The following TNNI3K variants were observed in gnomAD, a reference collection of about 807,000 sequenced individuals.
TNNI3K encodes the protein serine/threonine-protein kinase TNNI3K.
Under a neutral mutation model 114.5 loss-of-function variants are expected in TNNI3K, and 140 were observed. The observed-to-expected ratio is 1.22, with a 90% CI of 1.07 to 1.41. The LOEUF is 1.41. Ranked by LOEUF, TNNI3K falls within the 40% of genes most tolerant of loss-of-function variation. The pLI, the probability that TNNI3K is intolerant of heterozygous loss-of-function variation, is 0.00. For synonymous variants in TNNI3K, 347 were observed against 347.5 expected, an observed-to-expected ratio of 1.00 and a Z score of 0.02; for missense variants, 1,125 against 1,007.6, an observed-to-expected ratio of 1.12 and a Z score of -1.58.
intron 19 of TNNI3K, 28 bp from the exon 20 acceptor site, chr1:74,439,462 T>G (rs199605210): frequency 6.2e-7 from 1 of 1,602,004 alleles, no homozygotes; most frequent in South Asian, 1.1e-5. Flanking sequence ...ACTTGGTAAA[T>G]GGCTTGTGGA....
chr1:74,470,215 A>G (rs1667855401), intron 21 of TNNI3K: 4 of 400,550 alleles, frequency 1.0e-5, no homozygotes, highest in Non-Finnish European at 1.8e-5. Context: ...TTTAGCTGTA[A>G]TGGTCTCCTC....
At chr1:74,455,927 GT>G (rs1196730548) in intron 20 of TNNI3K, among the ~76,000 whole-genome samples, 3 of 152,174 alleles carry the variant, frequency 2.0e-5, no homozygotes, top group Admixed American at 6.5e-5. Context: ...AGCTATCTGG[GT>G]ATCCCTTAGC....
intron 17 of TNNI3K, among the ~76,000 whole-genome samples, chr1:74,414,186 C>T (rs1665014861): frequency 6.6e-6 from 1 of 152,062 alleles, no homozygotes; most frequent in African/African-American, 2.4e-5. Flanking sequence ...ATATTCTGTC[C>T]ATATATAACA....
intron 21 of TNNI3K, chr1:74,469,206 A>G (rs1001712669): frequency 3.3e-5 from 5 of 152,622 alleles, no homozygotes; most frequent in Non-Finnish European, 4.4e-5. Context: ...CCTAGTGGAT[A>G]TATAGGATTT....
intron 4 of TNNI3K, among the ~76,000 whole-genome samples, chr1:74,270,707 T>C (rs1221989988): frequency 6.6e-6 from 1 of 151,838 alleles, no homozygotes; most frequent in Admixed American, 6.6e-5. Context: ...GCCTATCTTA[T>C]GACTTGACTT....
chr1:74,454,441 G>A (rs1159934333), intron 20 of TNNI3K, among the ~76,000 whole-genome samples: 2 of 151,858 alleles, frequency 1.3e-5, no homozygotes, highest in Non-Finnish European at 1.5e-5. Flanking sequence ...TTTTATTTAA[G>A]CTCCCACATA....
At chr1:74,282,291 A>G (rs1007990697) in intron 5 of TNNI3K, among the ~76,000 whole-genome samples, 2 of 152,092 alleles carry the variant, frequency 1.3e-5, no homozygotes, top group Admixed American at 1.3e-4. Flanking sequence ...TTCATGTACA[A>G]CTATACATTT....
chr1:74,353,248 T>C lies in TNNI3K; in HGVS notation c.933-18T>C. 1.9e-6 allele frequency: 3 copies of C among 1,605,036 alleles called. No homozygotes were observed. Among genetic ancestry groups the C allele is most frequent in the Non-Finnish European group, 1.7e-6 (2 of 1,177,580 alleles). On this transcript the variant is annotated intron_variant, in intron 9 of 24. Transcript: ENST00000326637. ...CAAGGACCTTCTATCTTTCTTGTTT[T>C]ATGGTTTTTTTTTTCAGTGCTTGTA...
intron 17 of TNNI3K, among the ~76,000 whole-genome samples, chr1:74,411,383 T>A (rs1664871341): frequency 6.6e-6 from 1 of 152,162 alleles, no homozygotes; most frequent in South Asian, 2.1e-4. Context: ...AACTTGTTGG[T>A]TCTTGTAAGT....
At chr1:74,306,060 T>C (rs1658616296) in intron 5 of TNNI3K, among the ~76,000 whole-genome samples, 1 of 152,186 alleles carries the variant, frequency 6.6e-6, no homozygotes, top group Non-Finnish European at 1.5e-5. Context: ...CATCTTTATA[T>C]CTGTGTGTCA....
chr1:74,246,754 G>T (rs1182142696), intron 2 of TNNI3K, among the ~76,000 whole-genome samples: 1 of 152,128 alleles, frequency 6.6e-6, no homozygotes, highest in Non-Finnish European at 1.5e-5. Flanking sequence ...CTCTTCTGTA[G>T]CAATAAACAC....
intron 17 of TNNI3K, 99 bp downstream of exon 17, chr1:74,370,491 G>GAATCCTA: frequency 2.0e-6 from 2 of 996,580 alleles, no homozygotes; most frequent in Non-Finnish European, 2.8e-6. Flanking sequence ...TGCAGATCAG[G>GAATCCTA]GTACTCTGTG....
At chr1:74,307,300 C>G (rs964613338) in intron 5 of TNNI3K, among the ~76,000 whole-genome samples, 7 of 151,880 alleles carry the variant, frequency 4.6e-5, no homozygotes, top group African/African-American at 1.5e-4. Flanking sequence ...AACATAAAGG[C>G]CTAATTGCTT....
intron 17 of TNNI3K, among the ~76,000 whole-genome samples, chr1:74,434,667 A>T (rs968063141): frequency 1.3e-5 from 2 of 151,922 alleles, no homozygotes; most frequent in Non-Finnish European, 1.5e-5. Flanking sequence ...TCTGATTCTC[A>T]TCATGTGTAT....
chr1:74,418,616 T>C (rs1001916416), intron 17 of TNNI3K, among the ~76,000 whole-genome samples: 2 of 152,062 alleles, frequency 1.3e-5, no homozygotes, highest in African/African-American at 4.8e-5. Flanking sequence ...TGGGTAAAAA[T>C]TTACGGAAAA....
chr1:74,429,343 G>C (rs1211451170), intron 17 of TNNI3K, among the ~76,000 whole-genome samples: 1 of 152,122 alleles, frequency 6.6e-6, no homozygotes, highest in Non-Finnish European at 1.5e-5. Flanking sequence ...AACTGATCTA[G>C]ATGACTTGGA....
intron 23 of TNNI3K, 68 bp from the exon 24 acceptor site, chr1:74,540,166 T>A (rs892827268): frequency 6.5e-7 from 1 of 1,549,790 alleles, no homozygotes; most frequent in Non-Finnish European, 8.8e-7. Context: ...AGTGGAAAAA[T>A]TCTGTGTTTA....
chr1:74,299,413 T>G (rs1021470188), intron 5 of TNNI3K, among the ~76,000 whole-genome samples: 11 of 5,132 alleles, frequency 2.1e-3, no homozygotes, highest in Non-Finnish European at 7.6e-3. Flanking sequence ...GATTAGAATC[T>G]TGAAAGACTT....
At chr1:74,416,527 A>G in intron 17 of TNNI3K, 1 of 985,308 alleles carries the variant, frequency 1.0e-6, no homozygotes, top group East Asian at 1.1e-4. Flanking sequence ...TGGCTTACAT[A>G]GTCAAATCCA....
Sources: allele counts gnomAD v4.1 joint callset (sites outside exome capture counted in the v4.1 genomes callset), GRCh38; gene constraint gnomAD v4.1.1; transcripts MANE v1.5; gene names NCBI Gene and HGNC (gene_info 2026-07-23, HGNC 2026-07-21).